The following CHST9 variants were observed in gnomAD, a reference collection of about 807,000 sequenced individuals.
CHST9 encodes the protein carbohydrate sulfotransferase 9.
In CHST9, 41 loss-of-function variants were observed where a neutral mutation model predicts 44.4. That is an observed-to-expected ratio of 0.92 (90% confidence interval 0.72 to 1.20). CHST9 has a LOEUF of 1.20. Ranked by LOEUF, CHST9 falls within the 50% of genes most tolerant of loss-of-function variation. CHST9 has a pLI of 0.00. For missense variants in CHST9, 504 were observed against 516.5 expected (o/e 0.98, Z 0.23); for synonymous variants, 171 against 178.4 (o/e 0.96, Z 0.33).
At chr18:27,146,276 T>C (rs1456915871) in intron 1 of CHST9, among the ~76,000 whole-genome samples, 1 of 152,180 alleles carries the variant, frequency 6.6e-6, no homozygotes, top group East Asian at 1.9e-4. Flanking sequence ...ATAATTGTTA[T>C]TATGGCAGAT....
rs1436887478 is a variant in CHST9 at position 26,913,947 on chromosome 18, T to G, written c.*2312A>C. ...GGTACATAAAAAGTTTGTTCTTACT[T>G]GGCAAAGACATGCATGGCTTTTGGA... On this transcript the variant is annotated 3_prime_UTR_variant, in exon 6 of 6. Transcript: ENST00000618847. 1 of 152,202 alleles carries G rather than the reference T, an allele frequency of 6.6e-6. No individual in the cohort carries two copies. The highest frequency in any genetic ancestry group is 6.5e-5 in the Admixed American group (1 of 15,276). The allele number at this position is 152,202 out of a possible 1,614,324, so 9.4% of individuals were successfully genotyped here.
At chr18:27,103,669 G>T (rs2058194744) in intron 2 of CHST9, among the ~76,000 whole-genome samples, 1 of 152,154 alleles carries the variant, frequency 6.6e-6, no homozygotes, top group Non-Finnish European at 1.5e-5. Flanking sequence ...AAAGAGACTG[G>T]ATTCCTTCCA....
At chr18:27,149,759 T>G (rs1207418157) in intron 1 of CHST9, among the ~76,000 whole-genome samples, 1 of 152,160 alleles carries the variant, frequency 6.6e-6, no homozygotes, top group Non-Finnish European at 1.5e-5. Flanking sequence ...CTGAGCCATT[T>G]TGCAACTTAG....
intron 1 of CHST9, among the ~76,000 whole-genome samples, chr18:27,150,344 G>A (rs530038205): frequency 8.5e-5 from 13 of 152,234 alleles, no homozygotes; most frequent in African/African-American, 2.9e-4. Context: ...GGTTCTCTAA[G>A]CCTAGCACAT....
chr18:26,922,654 G>A (rs575250234), intron 5 of CHST9, among the ~76,000 whole-genome samples: 1 of 128,404 alleles, frequency 7.8e-6, no homozygotes, highest in East Asian at 2.7e-4. Flanking sequence ...TATTTATTTT[G>A]AGATGGAATC....
At chr18:27,096,305 T>C (rs1196754746) in intron 2 of CHST9, among the ~76,000 whole-genome samples, 1 of 151,662 alleles carries the variant, frequency 6.6e-6, no homozygotes, top group Non-Finnish European at 1.5e-5. Context: ...GGAAAGTTTA[T>C]AGTGCTAAAT....
rs184966914 is a variant in CHST9 at position 26,963,213 on chromosome 18, T to A, written c.203-18847A>T. 1.1e-4 allele frequency among the ~76,000 whole-genome samples: 17 copies of A among 152,298 alleles called. 1 individual carries two copies. In the East Asian group the frequency reaches 3.3e-3, roughly 29 times the overall value. On this transcript the variant is annotated intron_variant, in intron 4 of 5. Coordinates refer to ENST00000618847, the MANE Select transcript of CHST9 (RefSeq NM_031422.6). ...TAGAGTTCTTTCCACTGTCTCAAACTGTCTTCTATTAAACATTTGATAAAT... is the reference window on the plus strand; with the variant it reads ...TAGAGTTCTTTCCACTGTCTCAAACAGTCTTCTATTAAACATTTGATAAAT...
At chr18:27,132,024 A>G (rs1020658797) in intron 2 of CHST9, among the ~76,000 whole-genome samples, 1 of 152,170 alleles carries the variant, frequency 6.6e-6, no homozygotes, top group Non-Finnish European at 1.5e-5. Context: ...CCTAAAATGT[A>G]TAAAACCAAA....
At chr18:27,109,383 A>C (rs1300776104) in intron 2 of CHST9, among the ~76,000 whole-genome samples, 1 of 152,164 alleles carries the variant, frequency 6.6e-6, no homozygotes, top group Non-Finnish European at 1.5e-5. Context: ...CTATGGTATG[A>C]AAAAGCTTGG....
intron 2 of CHST9, among the ~76,000 whole-genome samples, chr18:27,118,115 T>C (rs141642697): frequency 1.3e-4 from 20 of 152,342 alleles, no homozygotes; most frequent in South Asian, 6.2e-4. Context: ...TTTACTGTTT[T>C]AATTTGCAAT....
intron 2 of CHST9, among the ~76,000 whole-genome samples, chr18:27,060,532 G>A (rs2057709577): frequency 1.3e-5 from 2 of 152,172 alleles, no homozygotes; most frequent in African/African-American, 2.4e-5. Flanking sequence ...TTGAAAAGAG[G>A]GTCCCAACTA....
intron 4 of CHST9, among the ~76,000 whole-genome samples, chr18:27,020,193 C>T (rs2057207892): frequency 6.6e-6 from 1 of 152,186 alleles, no homozygotes; most frequent in Non-Finnish European, 1.5e-5. Context: ...TATTAGGAGA[C>T]ACATTACTTG....
intron 4 of CHST9, among the ~76,000 whole-genome samples, chr18:26,978,948 G>A (rs982623805): frequency 6.6e-6 from 1 of 152,036 alleles, no homozygotes; most frequent in African/African-American, 2.4e-5. Flanking sequence ...AATTTTCTAG[G>A]TGACTCATGT....
rs2055405166 is a variant in CHST9 at position 26,908,997 on chromosome 18, T to C, written c.*7262A>G. ...GTTGAGTTGCCAAAATTGCCTTCAG[T>C]ACACATTTGTCTTTTATATTTCAAA... is the stretch of plus-strand genomic sequence containing the variant. On this transcript the variant is annotated 3_prime_UTR_variant, in exon 6 of 6. Transcript: ENST00000618847. The C allele has an allele frequency of 6.6e-6, 1 of 152,268 alleles. No homozygotes were observed. The highest frequency in any genetic ancestry group is 1.5e-5 in the Non-Finnish European group (1 of 68,050). 9.4% of individuals were successfully genotyped at this position (152,268 alleles called of 1,614,324 possible). A position where few individuals can be genotyped will look rare whatever the true frequency, so the allele number is the denominator to read the frequency against.
intron 4 of CHST9, among the ~76,000 whole-genome samples, chr18:27,001,896 G>A (rs1422788427): frequency 1.3e-5 from 2 of 152,102 alleles, no homozygotes; most frequent in East Asian, 3.8e-4. Flanking sequence ...GGAAGATGGG[G>A]GAAAGGCAGA....
chr18:27,024,075 A>T (rs181347912), intron 4 of CHST9, 41 bp downstream of exon 4: 2 of 1,593,304 alleles, frequency 1.3e-6, no homozygotes, highest in African/African-American at 2.7e-5. Context: ...CTGCTTATCT[A>T]TAACTACCCA....
At chr18:27,082,511 C>T (rs1319512938) in intron 2 of CHST9, among the ~76,000 whole-genome samples, 1 of 152,258 alleles carries the variant, frequency 6.6e-6, no homozygotes, top group South Asian at 2.1e-4. Flanking sequence ...CTTCTCCCAT[C>T]CTCAGTGTAG....
intron 1 of CHST9, among the ~76,000 whole-genome samples, chr18:27,181,787 C>T (rs900875848): frequency 3.3e-5 from 5 of 152,186 alleles, no homozygotes; most frequent in African/African-American, 1.2e-4. Flanking sequence ...ATCCTTAACA[C>T]ATATTCATTA....
intron 2 of CHST9, among the ~76,000 whole-genome samples, chr18:27,063,736 C>T (rs970244173): frequency 6.6e-6 from 1 of 152,134 alleles, no homozygotes; most frequent in African/African-American, 2.4e-5. Context: ...TGATTTTAAA[C>T]TCCTCAATTC....
Sources: allele counts gnomAD v4.1 joint callset (sites outside exome capture counted in the v4.1 genomes callset), GRCh38; gene constraint gnomAD v4.1.1; transcripts MANE v1.5; gene names NCBI Gene and HGNC (gene_info 2026-07-23, HGNC 2026-07-21).